SHC4: variants seen among roughly 807,000 people sequenced by gnomAD.
The protein encoded by SHC4 is SHC adaptor protein 4.
Under a neutral mutation model 69.4 loss-of-function variants are expected in SHC4, and 41 were observed. The ratio of observed to expected loss-of-function variants is 0.59; its 90% CI spans 0.46 to 0.77. The LOEUF (loss-of-function observed/expected upper bound fraction) is 0.77. Ranked by LOEUF, SHC4 falls within the 30% of genes least tolerant of loss-of-function variation. The pLI, the probability that SHC4 is intolerant of heterozygous loss-of-function variation, is 0.00. For synonymous variants in SHC4, 318 were observed against 299.3 expected (o/e 1.06, Z -0.64); for missense variants, 777 against 783.8 (o/e 0.99, Z 0.10).
At chr15:48,925,137 A>G (rs1900829201) in intron 1 of SHC4, among the ~76,000 whole-genome samples, 188 bp from the exon 2 acceptor site, 1 of 152,220 alleles carries the variant, frequency 6.6e-6, no homozygotes, top group Non-Finnish European at 1.5e-5. Flanking sequence ...ATTCAGTTAC[A>G]AAACACCAGT....
At chr15:48,847,754 G>C (rs1445921947) in intron 9 of SHC4, among the ~76,000 whole-genome samples, 1 of 152,018 alleles carries the variant, frequency 6.6e-6, no homozygotes, top group Non-Finnish European at 1.5e-5. Context: ...TGTAATCCCA[G>C]CACTTTGGGA....
intron 1 of SHC4, among the ~76,000 whole-genome samples, chr15:48,937,163 G>T (rs1368130288): frequency 1.3e-5 from 2 of 152,208 alleles, no homozygotes; most frequent in Non-Finnish European, 2.9e-5. Flanking sequence ...AGTCGCAAAA[G>T]TATTATATCA....
At chr15:48,938,428 T>C (rs1212594417) in intron 1 of SHC4, 1 of 152,218 alleles carries the variant, frequency 6.6e-6, no homozygotes, top group African/African-American at 2.4e-5. Flanking sequence ...CTTTATCCTC[T>C]ATTATTTTCA....
intron 2 of SHC4, among the ~76,000 whole-genome samples, chr15:48,896,713 AG>A (rs1567064055): frequency 6.6e-6 from 1 of 152,240 alleles, no homozygotes; most frequent in Non-Finnish European, 1.5e-5. Context: ...TACAGATCCC[AG>A]GTTAAGAAAT....
intron 2 of SHC4, among the ~76,000 whole-genome samples, chr15:48,905,135 A>C (rs1398013309): frequency 6.6e-6 from 1 of 152,170 alleles, no homozygotes; most frequent in Non-Finnish European, 1.5e-5. Context: ...GTGACCATGG[A>C]AAGTTCAAGA....
intron 4 of SHC4, among the ~76,000 whole-genome samples, chr15:48,881,680 A>C (rs1316658694): frequency 6.6e-6 from 1 of 152,196 alleles, no homozygotes; most frequent in Non-Finnish European, 1.5e-5. Flanking sequence ...AATTAGTGGG[A>C]GTGTGAGCAA....
intron 5 of SHC4, 78 bp from the exon 6 acceptor site, chr15:48,867,947 AC>A: frequency 3.3e-6 from 4 of 1,214,102 alleles, no homozygotes. Flanking sequence ...TGGACATGAT[AC>A]TGAGGCAAGG....
At chr15:48,854,160 C>A (rs186923406) in intron 8 of SHC4, among the ~76,000 whole-genome samples, 5 of 152,280 alleles carry the variant, frequency 3.3e-5, no homozygotes, top group Admixed American at 3.3e-4. Context: ...GGGCAAATTT[C>A]ATGAACAGAC....
chr15:48,864,739 G>A (rs556252064), intron 6 of SHC4, among the ~76,000 whole-genome samples: 9 of 152,126 alleles, frequency 5.9e-5, no homozygotes, highest in African/African-American at 1.9e-4. Context: ...GAGCCACCGC[G>A]CCCGGCCTCC....
chr15:48,869,478 TG>T (rs1284432516), intron 5 of SHC4, among the ~76,000 whole-genome samples: 1 of 152,222 alleles, frequency 6.6e-6, no homozygotes, highest in African/African-American at 2.4e-5. Flanking sequence ...AAAACAAATA[TG>T]GGTATGTGTT....
intron 4 of SHC4, among the ~76,000 whole-genome samples, chr15:48,875,860 T>C (rs1899788359): frequency 6.6e-6 from 1 of 152,200 alleles, no homozygotes; most frequent in South Asian, 2.1e-4. Context: ...AGTCAGAAAA[T>C]GTCACCTGAA....
chr15:48,955,512 G>T (rs966330637), intron 1 of SHC4, among the ~76,000 whole-genome samples: 1 of 152,118 alleles, frequency 6.6e-6, no homozygotes, highest in African/African-American at 2.4e-5. Context: ...GGTCATTAGG[G>T]TTGCAGCAAT....
rs1899873591 is a variant in SHC4 at position 48,878,540 on chromosome 15, T to C, written c.840+5708A>G. The stretch of plus-strand genomic sequence containing the variant: ...AGAGGAGCAGCTCAGTGGTGCCGGC[T>C]ACAGAGTATCAGCCGCTCTTGAAGA... On this transcript the variant is annotated intron_variant, in intron 4 of 11. Transcript: ENST00000332408. The C allele has an allele frequency of 1.9e-6, 3 of 1,613,956 alleles. No individual in the cohort carries two copies. The African/African-American group carries it at 4.0e-5, about 22-fold the overall frequency.
At chr15:48,839,813 A>C (rs751407037) in intron 10 of SHC4, among the ~76,000 whole-genome samples, 21 of 152,240 alleles carry the variant, frequency 1.4e-4, no homozygotes, top group Non-Finnish European at 2.8e-4. Flanking sequence ...AATATGTTCT[A>C]TGTGAAAAGA....
At position 48,962,788 on chromosome 15, in the gene SHC4, C is replaced by A. The variant is rs751993936; in HGVS notation, c.228G>T (p.Ser76=). The A allele has an allele frequency of 1.2e-6, 2 of 1,611,918 alleles. No homozygotes were observed. The highest frequency in any genetic ancestry group is 8.5e-7 in the Non-Finnish European group (1 of 1,179,712). Reference sequence around the variant, plus strand: ...TGCACAGTGGGGTGGGGCTCTCCTGCGACGGCAAGGTGGCATCTTCAGTCG... The same window carrying A: ...TGCACAGTGGGGTGGGGCTCTCCTGAGACGGCAAGGTGGCATCTTCAGTCG... ...HLPTEDATLP[S]QESPTPLCTL... Residue 76 remains serine, a synonymous_variant, in exon 1 of 12, where the codon TCG becomes TCT. Coordinates refer to ENST00000332408, the MANE Select transcript of SHC4 (RefSeq NM_203349.4).
intron 1 of SHC4, chr15:48,947,395 C>A (rs574240677): frequency 6.6e-6 from 1 of 152,232 alleles, no homozygotes; most frequent in East Asian, 1.9e-4. Context: ...GACCAGCATG[C>A]ACAGTATAAT....
At chr15:48,831,501 T>G (rs1898799925) in intron 11 of SHC4, among the ~76,000 whole-genome samples, 1 of 152,216 alleles carries the variant, frequency 6.6e-6, no homozygotes, top group African/African-American at 2.4e-5. Flanking sequence ...TTTACCATTG[T>G]GTTACAATTG....
At chr15:48,859,662 T>C (rs1367052083) in intron 6 of SHC4, among the ~76,000 whole-genome samples, 1 of 152,196 alleles carries the variant, frequency 6.6e-6, no homozygotes, top group Non-Finnish European at 1.5e-5. Context: ...ATCATATGAA[T>C]AGTGCTACTG....
chr15:48,886,350 G>A (rs866334658), intron 3 of SHC4, among the ~76,000 whole-genome samples: 124 of 152,208 alleles, frequency 8.1e-4, no homozygotes, highest in African/African-American at 2.8e-3. Flanking sequence ...GAACTTTTAC[G>A]TAAATCATCT....
Sources: gnomAD v4.1 joint callset for allele counts (sites outside exome capture counted in the v4.1 genomes callset) on GRCh38, gnomAD v4.1.1 for gene constraint, MANE v1.5 for transcripts, NCBI Gene and HGNC (gene_info 2026-07-23, HGNC 2026-07-21) for gene names.